The following LRP1B variants were observed in gnomAD, a reference collection of about 807,000 sequenced individuals.
LRP1B encodes low-density lipoprotein receptor-related protein 1B.
A neutral mutation model predicts 556.6 loss-of-function variants in LRP1B; 217 were observed. The ratio of observed to expected loss-of-function variants is 0.39; its 90% CI spans 0.35 to 0.44. The LOEUF is 0.44. Among genes scored for constraint, LRP1B ranks in the 20% least tolerant of loss-of-function variants. LRP1B has a pLI of 1.00. For synonymous variants in LRP1B, 2,047 were observed against 1,865.8 expected (o/e 1.10, Z -2.50); for missense variants, 5,053 against 5,620.8 (o/e 0.90, Z 3.23).
chr2:140,930,814 T>C (rs17519490), intron 20 of LRP1B, among the ~76,000 whole-genome samples: 10,848 of 152,210 alleles, frequency 0.071, 453 homozygotes, highest in Middle Eastern at 0.095. Context: ...AATCACTATG[T>C]ATTAATAATT....
At chr2:140,327,924 C>CA (rs1379528505) in intron 79 of LRP1B, among the ~76,000 whole-genome samples, 1 of 151,648 alleles carries the variant, frequency 6.6e-6, no homozygotes, top group Non-Finnish European at 1.5e-5. Flanking sequence ...ATTTATACTC[C>CA]AAAAATCCAC....
chr2:141,952,121 C>T (rs1045467358), intron 1 of LRP1B, among the ~76,000 whole-genome samples: 2 of 151,516 alleles, frequency 1.3e-5, no homozygotes, highest in African/African-American at 2.4e-5. Context: ...TGTCCTTGTG[C>T]TAGTTTGCTC....
intron 59 of LRP1B, among the ~76,000 whole-genome samples, chr2:140,483,615 C>CACATATATATATATAT (rs1403726877): frequency 2.3e-5 from 2 of 88,344 alleles, no homozygotes; most frequent in South Asian, 4.1e-4. Flanking sequence ...CACACACACA[C>CACATATATATATATAT]ATATATATAT....
At chr2:141,012,390 A>G (rs993770233) in intron 14 of LRP1B, among the ~76,000 whole-genome samples, 6 of 152,060 alleles carry the variant, frequency 3.9e-5, no homozygotes, top group South Asian at 2.1e-4. Context: ...GACTGTTTCT[A>G]TTCATAGCCT....
intron 41 of LRP1B, among the ~76,000 whole-genome samples, chr2:140,691,297 C>A (rs985141703): frequency 6.6e-5 from 10 of 151,996 alleles, no homozygotes. Context: ...CATGGAGAAA[C>A]CCCGTCTCTA....
intron 2 of LRP1B, among the ~76,000 whole-genome samples, chr2:141,481,586 C>T (rs1005038380): frequency 7.9e-5 from 12 of 152,114 alleles, no homozygotes; most frequent in African/African-American, 2.7e-4. Context: ...ATCAAATAAG[C>T]CTACCTCGTA....
Position 140,501,785 on chromosome 2 carries a change from C to T in LRP1B, c.8752G>A (p.Asp2918Asn), listed in dbSNP as rs771105602. Residue 2918 changes from aspartate to asparagine, a missense_variant, in exon 55 of 91, where the codon GAT becomes AAT. Asp to Asn is a conservative substitution (Grantham distance 23, BLOSUM62 1). Transcript: ENST00000389484. ...GLCDNKDDCG[D>N]GSDERNCHIN... Reference sequence around the variant, plus strand: ...TGGCAGTTTCTCTCATCTGAACCATCGCCACAGTCATCCTTATTGTCGCAA... The same window carrying T: ...TGGCAGTTTCTCTCATCTGAACCATTGCCACAGTCATCCTTATTGTCGCAA... The T allele has an allele frequency of 6.8e-6, 11 of 1,612,836 alleles. No individual in the cohort carries two copies. Among genetic ancestry groups the T allele is most frequent in the South Asian group, 3.3e-5 (3 of 91,008 alleles).
At chr2:141,221,354 AG>A (rs1271032519) in intron 6 of LRP1B, among the ~76,000 whole-genome samples, 1 of 152,048 alleles carries the variant, frequency 6.6e-6, no homozygotes, top group Non-Finnish European at 1.5e-5. Context: ...CAACAAGAAG[AG>A]CTAACTTTCT....
In LRP1B at chr2:141,145,427, A is replaced by G. The variant is rs750338350; in HGVS notation, c.1013+42994T>C. ...TTACATTGCATATACTATGTAATAA[A>G]CTACTTTTAAAGACACATAAAGCTC... On this transcript the variant is annotated intron_variant, in intron 7 of 90. Coordinates refer to ENST00000389484, the MANE Select transcript of LRP1B (RefSeq NM_018557.3). Among the ~76,000 whole-genome samples the G allele has an allele frequency of 1.2e-3, 189 of 152,286 alleles. 3 individuals carry two copies. Among genetic ancestry groups the G allele is most frequent in the Middle Eastern group, 0.01 (3 of 294 alleles).
At chr2:140,812,689 A>G (rs1690970609) in intron 32 of LRP1B, among the ~76,000 whole-genome samples, 1 of 152,004 alleles carries the variant, frequency 6.6e-6, no homozygotes, top group Admixed American at 6.6e-5. Flanking sequence ...ATAAATTTTT[A>G]CCTATATAAA....
At chr2:140,794,409 GA>G (rs1192270314) in intron 32 of LRP1B, among the ~76,000 whole-genome samples, 9 of 150,708 alleles carry the variant, frequency 6.0e-5, no homozygotes, top group African/African-American at 2.0e-4. Context: ...TAAAATATGA[GA>G]AAAAAATAAA....
chr2:141,561,360 G>T lies in LRP1B; in HGVS notation c.206-80827C>A, dbSNP rs139949153. Reference sequence around the variant, plus strand: ...CAATAGATTAATATTACAGAGAAAGGTCTGGGCCTATTTTATCTCTATTTG... The same window carrying T: ...CAATAGATTAATATTACAGAGAAAGTTCTGGGCCTATTTTATCTCTATTTG... On this transcript the variant is annotated intron_variant, in intron 2 of 90. Transcript: ENST00000389484. Among the ~76,000 whole-genome samples, 704 of 151,798 alleles carry T rather than the reference G, an allele frequency of 4.6e-3. 3 individuals carry two copies. Among genetic ancestry groups the T allele is most frequent in the African/African-American group, 0.016 (671 of 41,478 alleles).
intron 7 of LRP1B, among the ~76,000 whole-genome samples, chr2:141,157,095 TTA>T (rs1574135802): frequency 2.0e-5 from 3 of 152,114 alleles, no homozygotes; most frequent in South Asian, 4.1e-4. Flanking sequence ...CGAAGATGTT[TTA>T]TGTCACCTAT....
At chr2:140,377,382 T>C (rs1683282527) in intron 68 of LRP1B, among the ~76,000 whole-genome samples, 1 of 152,106 alleles carries the variant, frequency 6.6e-6, no homozygotes, top group Admixed American at 6.6e-5. Flanking sequence ...GCTAGAGCTC[T>C]TTTTTCCTTC....
intron 2 of LRP1B, among the ~76,000 whole-genome samples, chr2:141,606,675 A>AAAAACCATGTGAAG (rs2105316438): frequency 6.6e-6 from 1 of 152,292 alleles, no homozygotes; most frequent in Non-Finnish European, 1.5e-5. Flanking sequence ...TGCAAACAGG[A>AAAAACCATGTGAAG]AAAACCATGT....
intron 2 of LRP1B, among the ~76,000 whole-genome samples, chr2:141,518,235 C>T (rs1043142976): frequency 6.6e-6 from 1 of 152,060 alleles, no homozygotes; most frequent in African/African-American, 2.4e-5. Context: ...GGAGCCTGTC[C>T]TCAGACAGGC....
At chr2:141,351,420 C>T (rs979627920) in intron 3 of LRP1B, among the ~76,000 whole-genome samples, 1 of 151,946 alleles carries the variant, frequency 6.6e-6, no homozygotes, top group Non-Finnish European at 1.5e-5. Flanking sequence ...TTTAAATTCT[C>T]AAAGGAACAT....
intron 1 of LRP1B, among the ~76,000 whole-genome samples, chr2:142,054,314 A>ATT (rs1704579244): frequency 6.6e-6 from 1 of 152,144 alleles, no homozygotes; most frequent in South Asian, 2.1e-4. Context: ...CAAGATTTAA[A>ATT]TCTGCAGAGG....
At chr2:140,667,306 C>T (rs1184170316) in intron 41 of LRP1B, among the ~76,000 whole-genome samples, 3 of 152,152 alleles carry the variant, frequency 2.0e-5, no homozygotes, top group Non-Finnish European at 4.4e-5. Flanking sequence ...ATAACCTTTG[C>T]CTTGATACCA....
Sources: gnomAD v4.1 joint callset for allele counts (sites outside exome capture counted in the v4.1 genomes callset) on GRCh38, gnomAD v4.1.1 for gene constraint, MANE v1.5 for transcripts, NCBI Gene and HGNC (gene_info 2026-07-23, HGNC 2026-07-21) for gene names.